Variants in TPTE2 observed in about 807,000 individuals in gnomAD.
The protein encoded by TPTE2 is phosphatidylinositol 3,4,5-trisphosphate 3-phosphatase TPTE2.
Under a neutral mutation model 78.6 loss-of-function variants are expected in TPTE2, and 53 were observed. The ratio of observed to expected loss-of-function variants is 0.67; its 90% CI spans 0.54 to 0.85. The LOEUF (loss-of-function observed/expected upper bound fraction) is 0.85, where lower values mean the gene tolerates loss of function less well. Among genes scored for constraint, TPTE2 ranks in the 40% least tolerant of loss-of-function variants. The pLI, the probability that TPTE2 is intolerant of heterozygous loss-of-function variation, is 0.00. For missense variants in TPTE2, 461 were observed against 623.0 expected, an observed-to-expected ratio of 0.74 and a Z score of 2.77; for synonymous variants, 175 against 206.2, an observed-to-expected ratio of 0.85 and a Z score of 1.30.
intron 1 of TPTE2, among the ~76,000 whole-genome samples, chr13:19,533,743 A>G (rs1871024937): frequency 6.6e-6 from 1 of 152,238 alleles, no homozygotes; most frequent in Non-Finnish European, 1.5e-5. Context: ...AGGGATTTGA[A>G]CTGAAGTTTC....
upstream of TPTE2, among the ~76,000 whole-genome samples, chr13:19,540,363 G>A (rs368908287): frequency 1.9e-3 from 287 of 150,840 alleles, 11 homozygotes; most frequent in South Asian, 0.045. Flanking sequence ...GTGCAGTGGC[G>A]GCGTAATCTC....
chr13:19,525,601 A>G (rs1870448733), intron 1 of TPTE2, among the ~76,000 whole-genome samples: 1 of 152,202 alleles, frequency 6.6e-6, no homozygotes, highest in Non-Finnish European at 1.5e-5. Context: ...TCCCTGGAAG[A>G]TAAGCTAGGA....
intron 3 of TPTE2, among the ~76,000 whole-genome samples, 162 bp downstream of exon 6, chr13:19,492,687 CG>C (rs1479051802): frequency 2.0e-5 from 3 of 152,118 alleles, no homozygotes; most frequent in African/African-American, 7.2e-5. Context: ...CATCTGTCTC[CG>C]TGTTTGGTGT....
At chr13:19,451,508 G>A (rs1388185797) in intron 10 of TPTE2, among the ~76,000 whole-genome samples, 1 of 152,134 alleles carries the variant, frequency 6.6e-6, no homozygotes, top group African/African-American at 2.4e-5. Context: ...CTAACTTTAA[G>A]TAATTTGTTC....
chr13:19,479,683 G>A (rs1273422996), intron 4 of TPTE2, among the ~76,000 whole-genome samples: 1 of 152,096 alleles, frequency 6.6e-6, no homozygotes, highest in Non-Finnish European at 1.5e-5. Flanking sequence ...AGAGATAGAG[G>A]CCAGGCGCGG....
At chr13:19,466,558 A>T (rs761770381) in intron 7 of TPTE2, among the ~76,000 whole-genome samples, 1 of 152,188 alleles carries the variant, frequency 6.6e-6, no homozygotes, top group Non-Finnish European at 1.5e-5. Flanking sequence ...GGCCTCATAC[A>T]CTGTTAAGTT....
chr13:19,461,220 G>GC (rs980042383), intron 10 of TPTE2, among the ~76,000 whole-genome samples: 1 of 152,048 alleles, frequency 6.6e-6, no homozygotes, highest in African/African-American at 2.4e-5. Context: ...ACCACATGGG[G>GC]CCATTCAGCC....
chr13:19,538,507 A>G (rs1871336530), upstream of TPTE2, among the ~76,000 whole-genome samples: 1 of 151,572 alleles, frequency 6.6e-6, no homozygotes, highest in Admixed American at 6.6e-5. Flanking sequence ...GGTATGAGCC[A>G]CCACGCCCAG....
intron 10 of TPTE2, among the ~76,000 whole-genome samples, chr13:19,451,954 C>T (rs866158314): frequency 7.9e-5 from 12 of 151,932 alleles, no homozygotes; most frequent in African/African-American, 2.4e-4. Flanking sequence ...CTGAAACATG[C>T]ACACACATAC....
At chr13:19,541,454 A>G (rs35522198), upstream of TPTE2, among the ~76,000 whole-genome samples, 1 of 152,114 alleles carries the variant, frequency 6.6e-6, no homozygotes, top group African/African-American at 2.4e-5. Flanking sequence ...TTTTATTGCT[A>G]TACTGCATAG....
intron 1 of TPTE2, among the ~76,000 whole-genome samples, chr13:19,511,859 T>TAA (rs140880516): frequency 1.3e-4 from 20 of 150,432 alleles, no homozygotes; most frequent in Non-Finnish European, 2.5e-4. Flanking sequence ...CCACTTTTTT[T>TAA]AAAAAAAAAA....
intron 1 of TPTE2, among the ~76,000 whole-genome samples, chr13:19,502,627 A>G (rs1332081940): frequency 3.0e-5 from 4 of 133,538 alleles, no homozygotes; most frequent in Non-Finnish European, 6.2e-5. Context: ...GAAGGGGAAT[A>G]TCACACTCTG....
chr13:19,537,555 A>AGTTT (rs3052827), upstream of TPTE2, among the ~76,000 whole-genome samples: 23 of 149,860 alleles, frequency 1.5e-4, no homozygotes, highest in African/African-American at 5.2e-4. Context: ...GATTTTTAGA[A>AGTTT]GTTTGTTTGT....
At chr13:19,458,228 T>C (rs746403864) in intron 10 of TPTE2, among the ~76,000 whole-genome samples, 43 of 152,198 alleles carry the variant, frequency 2.8e-4, no homozygotes, top group Non-Finnish European at 4.7e-4. Flanking sequence ...ACCAAACTTA[T>C]TCATTTAACC....
chr13:19,534,143 G>A (rs996299533), intron 1 of TPTE2, among the ~76,000 whole-genome samples: 2 of 152,098 alleles, frequency 1.3e-5, no homozygotes, highest in African/African-American at 2.4e-5. Context: ...AACATACAAC[G>A]CTACATCAGC....
rs150209716 is a variant in TPTE2, at chr13:19,425,887, T to A, written c.1395+538A>T. 590 of 514,414 alleles carry A rather than the reference T, an allele frequency of 1.1e-3. 1 individual carries two copies. Among genetic ancestry groups the A allele is most frequent in the Non-Finnish European group, 1.9e-3 (480 of 259,072 alleles). 31.9% of individuals were successfully genotyped at this position (514,414 alleles called of 1,614,324 possible). On this transcript the variant is annotated intron_variant, in intron 18 of 19. Coordinates refer to ENST00000400230, the Ensembl canonical transcript of TPTE2. ...ATTTCGTGTGTTGTATTGTGCTGCC[T>A]TCTCTGTTTCACCCAACTGAGTCAC...
chr13:19,456,869 A>C (rs576559426), intron 10 of TPTE2, among the ~76,000 whole-genome samples: 1 of 152,334 alleles, frequency 6.6e-6, no homozygotes, highest in East Asian at 1.9e-4. Flanking sequence ...AAGAGAGCCA[A>C]GATAGTTTTT....
chr13:19,514,229 A>G (rs952518361), intron 1 of TPTE2, among the ~76,000 whole-genome samples: 3 of 152,160 alleles, frequency 2.0e-5, no homozygotes, highest in Non-Finnish European at 4.4e-5. Context: ...TTGAGTACCA[A>G]GCATCCCTCT....
intron 15 of TPTE2, among the ~76,000 whole-genome samples, chr13:19,434,890 C>T (rs1317971762): frequency 6.6e-6 from 1 of 152,116 alleles, no homozygotes; most frequent in Non-Finnish European, 1.5e-5. Flanking sequence ...AGATTTCAGT[C>T]CTTGGTTCAA....
Sources: allele counts gnomAD v4.1 joint callset (sites outside exome capture counted in the v4.1 genomes callset), GRCh38; gene constraint gnomAD v4.1.1; transcripts MANE v1.5; gene names NCBI Gene and HGNC (gene_info 2026-07-23, HGNC 2026-07-21).